Variants in DDX54 observed in about 807,000 individuals in gnomAD.
The protein encoded by DDX54 is ATP-dependent RNA helicase DDX54.
Under a neutral mutation model 105.5 loss-of-function variants are expected in DDX54, and 67 were observed. The observed-to-expected ratio is 0.64, with a 90% confidence interval of 0.52 to 0.78. The LOEUF (loss-of-function observed/expected upper bound fraction) is 0.78, where lower values mean the gene tolerates loss of function less well. Ranked by LOEUF, DDX54 falls within the 30% of genes least tolerant of loss-of-function variation. The pLI is 0.00. For missense variants in DDX54, 1,206 were observed against 1,230.5 expected, an observed-to-expected ratio of 0.98 and a Z score of 0.30; for synonymous variants, 514 against 509.9, an observed-to-expected ratio of 1.01 and a Z score of -0.11.
chr12:113,180,151 T>C, intron 2 of DDX54, 146 bp from the exon 3 acceptor site: 1 of 793,330 alleles, frequency 1.3e-6, no homozygotes, highest in South Asian at 1.5e-5. Context: ...AAAGGTGAAA[T>C]GAGACTTAGG....
Position 113,185,441 on chromosome 12 carries a change from T to A in DDX54, c.11A>T (p.Asp4Val). 1 of 1,505,840 alleles carries A rather than the reference T, an allele frequency of 6.6e-7. No homozygotes were observed. The allele number at this position is 1,505,840 out of a possible 1,614,324, so 93.3% of individuals were successfully genotyped here. A position where few individuals can be genotyped will look rare whatever the true frequency, so the allele number is the denominator to read the frequency against. The change falls in exon 1 of 20, where the codon GAC (aspartate) becomes GTC (valine). Residue 4 changes from aspartate to valine, a missense_variant. Physicochemically the swap from Asp to Val is radical, Grantham distance 152. Coordinates refer to ENST00000306014, the MANE Select transcript of DDX54 (RefSeq NM_024072.4). The part of the protein sequence containing the change: MAA[D>V]KGPAAGPRSR... ...CCGAGGTCCAGCCGCCGGGCCCTTG[T>A]CGGCCGCCATTCGGGCCGCGCGCTG...
intron 5 of DDX54, among the ~76,000 whole-genome samples, chr12:113,178,704 A>G (rs1952433116): frequency 6.6e-6 from 1 of 151,950 alleles, no homozygotes; most frequent in Non-Finnish European, 1.5e-5. Context: ...CACCATGCCC[A>G]GCTAATTTTT....
chr12:113,181,313 G>A (rs966117408), intron 1 of DDX54, among the ~76,000 whole-genome samples: 1 of 149,384 alleles, frequency 6.7e-6, no homozygotes, highest in Admixed American at 6.7e-5. Context: ...TTTTTTAAGA[G>A]ACAGGGTCTT....
intron 19 of DDX54, 41 bp downstream of exon 19, chr12:113,161,229 C>T (rs377122713): frequency 6.1e-5 from 93 of 1,533,986 alleles, no homozygotes; most frequent in Non-Finnish European, 8.1e-5. Flanking sequence ...CACAACTGCT[C>T]TGCCTACCTG....
chr12:113,185,470 A>G lies in DDX54; in HGVS notation c.-19T>C, dbSNP rs1036538137. On this transcript the variant is annotated 5_prime_UTR_variant, in exon 1 of 20. Transcript: ENST00000306014. ...CCGCCATTCGGGCCGCGCGCTGGGA[A>G]CGCAGAAGGGGGCGTGGCCTGAGGA... The G allele has an allele frequency of 1.3e-5, 20 of 1,481,788 alleles. No individual in the cohort carries two copies. The highest frequency in any genetic ancestry group is 2.0e-4 in the Middle Eastern group (1 of 4,882). The allele number at this position is 1,481,788 out of a possible 1,614,324, so 91.8% of individuals were successfully genotyped here. A position where few individuals can be genotyped will look rare whatever the true frequency, so the allele number is the denominator to read the frequency against.
rs772227011 is a variant in DDX54, at chr12:113,161,919, G to A, written c.2274C>T (p.Tyr758=). The A allele has an allele frequency of 6.2e-7, 1 of 1,612,564 alleles. No individual in the cohort carries two copies. Among genetic ancestry groups the A allele is most frequent in the South Asian group, 1.1e-5 (1 of 91,050 alleles). The part of the protein sequence containing the change: ...KKKIKTESGR[Y]ISSSYKRDLY... ...GGTCTCGCTTGTAGGAGCTGCTGAT[G>A]TAGCGGCCGCTCTCTGTCTTAATCT... Residue 758 remains tyrosine, a synonymous_variant, in exon 18 of 20, where the codon TAC becomes TAT. Transcript: ENST00000306014.
At chr12:113,171,093 C>T (rs1461667254) in intron 11 of DDX54, among the ~76,000 whole-genome samples, 4 of 152,160 alleles carry the variant, frequency 2.6e-5, no homozygotes, top group African/African-American at 7.2e-5. Context: ...CCTTTGGGGG[C>T]GTCCTGGGGA....
Position 113,174,874 on chromosome 12 carries a change from C to T in DDX54, c.936+1G>A. Reference sequence around the variant, plus strand: ...CTGGGATGGGACAGGTGCAGCCTCACCTTCAGCTGCTCGTTGAGCTTGGTA... The same window carrying T: ...CTGGGATGGGACAGGTGCAGCCTCATCTTCAGCTGCTCGTTGAGCTTGGTA... On this transcript the variant is annotated splice_donor_variant, in intron 9 of 19. Transcript: ENST00000306014. LOFTEE classifies it high-confidence loss of function. 2.5e-6 allele frequency: 4 copies of T among 1,614,130 alleles called. No individual in the cohort carries two copies. The highest frequency in any genetic ancestry group is 1.1e-5 in the South Asian group (1 of 91,074).
At chr12:113,181,146 TC>T in intron 1 of DDX54, 88 bp from the exon 2 acceptor site, 1 of 1,449,220 alleles carries the variant, frequency 6.9e-7, no homozygotes. Context: ...TTGCCCTCTC[TC>T]CCCCATTCAA....
At chr12:113,161,056 C>T (rs890571936) in intron 19 of DDX54, among the ~76,000 whole-genome samples, 2 of 127,410 alleles carry the variant, frequency 1.6e-5, no homozygotes, top group African/African-American at 6.1e-5. Flanking sequence ...TGCTCGTGAC[C>T]ATCAGAGGCC....
Position 113,174,653 on chromosome 12 carries a change from T to TCGG in DDX54, c.1052_1054dup (p.Ala351dup). 1 of 1,611,520 alleles carries TCGG rather than the reference T, an allele frequency of 6.2e-7. No individual in the cohort carries two copies. The highest frequency in any genetic ancestry group is 8.5e-7 in the Non-Finnish European group (1 of 1,177,880). On this transcript the variant is annotated inframe_insertion, in exon 10 of 20. Coordinates refer to ENST00000306014, the MANE Select transcript of DDX54 (RefSeq NM_024072.4). The stretch of plus-strand genomic sequence containing the variant: ...GACCCTGCTCACCTCAGTGAGGTAC[T>TCGG]CGGCGTGGTGCTTCGTGGCCACAAA...
chr12:113,169,778 T>C lies in DDX54; in HGVS notation c.1406A>G (p.Glu469Gly). The change falls in exon 12 of 20, where the codon GAG becomes GGG. Residue 469 changes from glutamate to glycine, a missense_variant. Transcript: ENST00000306014. The stretch of plus-strand genomic sequence containing the variant: ...ACCCAGCCTCCACTCACCTGAGGGC[T>C]CCTTGAGGGGTCGGGCGAGGGTGAG... ...RSLTLARPLK[E>G]PSGVAGVDGM... is the part of the protein sequence containing the mutation. 6.2e-7 allele frequency: 1 copy of C among 1,613,852 alleles called. No individual in the cohort carries two copies. The highest frequency in any genetic ancestry group is 8.5e-7 in the Non-Finnish European group (1 of 1,179,874).
chr12:113,179,808 G>C, intron 3 of DDX54, 127 bp downstream of exon 3: 6 of 1,130,224 alleles, frequency 5.3e-6, no homozygotes, highest in Non-Finnish European at 7.8e-6. Flanking sequence ...ACGCTAGCTG[G>C]GGCTTCAGCA....
At position 113,163,602 on chromosome 12, in the gene DDX54, T is replaced by C. The variant is rs73208714; in HGVS notation, c.1939-328A>G. ...TGTGACAGCCGGCCCTGCCCCTCTCTGCGCCTGGCCTGCTCTGAACAACAT... is the reference window on the plus strand; with the variant it reads ...TGTGACAGCCGGCCCTGCCCCTCTCCGCGCCTGGCCTGCTCTGAACAACAT... On this transcript the variant is annotated intron_variant, in intron 15 of 19. Transcript: ENST00000306014. The surrounding 1 kb of genome is among the most constrained non-coding windows in gnomAD (Gnocchi z 5.9). Among the ~76,000 whole-genome samples, 15,283 of 152,162 alleles carry C rather than the reference T, an allele frequency of 0.1. 885 individuals are homozygous for C. Among genetic ancestry groups the C allele is most frequent in the East Asian group, 0.21 (1,078 of 5,164 alleles).
chr12:113,169,627 TA>T, intron 12 of DDX54, 142 bp downstream of exon 12: 1 of 1,155,842 alleles, frequency 8.7e-7, no homozygotes, highest in Non-Finnish European at 1.2e-6. Flanking sequence ...TCTCAAAAAA[TA>T]AACAAAACAA....
At chr12:113,168,448 T>C (rs1395261814) in intron 12 of DDX54, among the ~76,000 whole-genome samples, 1 of 152,216 alleles carries the variant, frequency 6.6e-6, no homozygotes, top group African/African-American at 2.4e-5. Flanking sequence ...AGCCGTTCTC[T>C]CATCTGTGAA....
chr12:113,169,802 A>T lies in DDX54; in HGVS notation c.1382T>A (p.Leu461His), dbSNP rs1952315245. ...CTCCTTGAGGGGTCGGGCGAGGGTG[A>T]GGGAGCGGCCCAGGAACAGGTGCAG... ...LDLHLFLGRS[L>H]TLARPLKEPS... The change falls in exon 12 of 20, where the codon CTC becomes CAC. Residue 461 changes from leucine (L) to histidine (H), a missense_variant. Leu to His is a moderately conservative substitution (Grantham distance 99). Around this residue, in one of 3 missense-constraint regions of DDX54, gnomAD observed 961 missense variants for 1,019.1 expected, o/e 0.94. Coordinates refer to ENST00000306014, the MANE Select transcript of DDX54 (RefSeq NM_024072.4). The T allele has an allele frequency of 2.5e-6, 4 of 1,613,960 alleles. No homozygotes were observed. In the African/African-American group the frequency reaches 4.0e-5, roughly 16 times the overall value.
intron 14 of DDX54, 144 bp from the exon 15 acceptor site, chr12:113,164,429 C>T: frequency 9.5e-7 from 1 of 1,054,610 alleles, no homozygotes; most frequent in Non-Finnish European, 1.3e-6. Flanking sequence ...ATAGACAGAC[C>T]CAGACCAGGC....
Position 113,181,026 on chromosome 12 carries a change from G to A in DDX54, c.207C>T (p.Pro69=), listed in dbSNP as rs771713251. The change falls in exon 2 of 20, where the codon CCC becomes CCT. Residue 69 remains proline, a synonymous_variant. Transcript: ENST00000306014. ...LGPGRPLPTF[P]TSECTSDVEP... is the part of the protein sequence containing the mutation. The stretch of plus-strand genomic sequence containing the variant: ...CCACATCCGAGGTGCATTCCGAGGT[G>A]GGGAAGGTGGGCAGGGGTCTTCCAG... 5.0e-6 allele frequency: 8 copies of A among 1,613,424 alleles called. No homozygotes were observed. The highest frequency in any genetic ancestry group is 6.8e-6 in the Non-Finnish European group (8 of 1,179,718).
Sources: gnomAD v4.1 joint callset for allele counts (sites outside exome capture counted in the v4.1 genomes callset) on GRCh38, gnomAD v4.1.1 for gene constraint, gnomAD v4.1.1 regional missense constraint, Gnocchi (gnomAD v3.1) non-coding constraint, MANE v1.5 for transcripts, NCBI Gene and HGNC (gene_info 2026-07-23, HGNC 2026-07-21) for gene names.